C1QTNF3: variants seen among roughly 807,000 people sequenced by gnomAD.
C1QTNF3 encodes the protein C1q and TNF related 3.
A neutral mutation model predicts 32.6 loss-of-function variants in C1QTNF3; 26 were observed. That is an observed-to-expected ratio of 0.80 (90% confidence interval 0.58 to 1.11). The LOEUF (loss-of-function observed/expected upper bound fraction) is 1.11. C1QTNF3 is among the 50% of genes least tolerant of loss of function. The pLI is 0.00. For missense variants in C1QTNF3, 362 were observed against 398.2 expected (o/e 0.91, Z 0.77); for synonymous variants, 155 against 146.0 (o/e 1.06, Z -0.44).
chr5:34,127,664 T>A, the C1QTNF3 span, among the ~76,000 whole-genome samples: 5 of 151,598 alleles, frequency 3.3e-5, no homozygotes, highest in Non-Finnish European at 5.9e-5. Flanking sequence ...TTTGGCTCAC[T>A]GCAACCTCTA....
At chr5:34,242,449 G>A in the C1QTNF3 span, among the ~76,000 whole-genome samples, 1 of 152,148 alleles carries the variant, frequency 6.6e-6, no homozygotes, top group Non-Finnish European at 1.5e-5. Flanking sequence ...GGGATAATTC[G>A]CTAGCCATAA....
chr5:34,211,406 T>A, the C1QTNF3 span, among the ~76,000 whole-genome samples: 2 of 152,080 alleles, frequency 1.3e-5, no homozygotes, highest in Admixed American at 1.3e-4. Flanking sequence ...CCTTTTTTTT[T>A]ATACTTTAAG....
the C1QTNF3 span, chr5:34,175,930 A>C: frequency 4.5e-5 from 37 of 830,044 alleles, no homozygotes; most frequent in East Asian, 6.5e-4. Context: ...CTTTTCTGGT[A>C]CTCTTCACTG....
the C1QTNF3 span, among the ~76,000 whole-genome samples, chr5:34,098,716 C>T: frequency 6.6e-6 from 1 of 151,858 alleles, no homozygotes; most frequent in Non-Finnish European, 1.5e-5. Context: ...CTGACAGTTC[C>T]AACAGTTCCA....
At chr5:34,174,153 G>T in the C1QTNF3 span, among the ~76,000 whole-genome samples, 1 of 152,204 alleles carries the variant, frequency 6.6e-6, no homozygotes, top group African/African-American at 2.4e-5. Flanking sequence ...CGCCTCCGAG[G>T]TTTAAGCGAT....
At chr5:34,231,075 T>C in the C1QTNF3 span, among the ~76,000 whole-genome samples, 1 of 152,126 alleles carries the variant, frequency 6.6e-6, no homozygotes, top group Non-Finnish European at 1.5e-5. Context: ...ATGAAAAATC[T>C]TCCTCTCACT....
At chr5:34,217,178 A>G in the C1QTNF3 span, among the ~76,000 whole-genome samples, 1 of 152,130 alleles carries the variant, frequency 6.6e-6, no homozygotes, top group Non-Finnish European at 1.5e-5. Flanking sequence ...TATTCTAGTA[A>G]ATTATTAATA....
chr5:34,145,840 T>C, the C1QTNF3 span, among the ~76,000 whole-genome samples: 3 of 152,210 alleles, frequency 2.0e-5, no homozygotes, highest in South Asian at 6.2e-4. Context: ...CGATGCAAAG[T>C]TGTTTCAACC....
intron 2 of C1QTNF3, among the ~76,000 whole-genome samples, chr5:34,033,692 T>G (rs1057239066): frequency 4.6e-5 from 7 of 152,168 alleles, no homozygotes; most frequent in African/African-American, 1.7e-4. Flanking sequence ...AAAAATTGTG[T>G]ACAATTCTGA....
At chr5:34,053,033 A>G in the C1QTNF3 span, among the ~76,000 whole-genome samples, 1 of 152,182 alleles carries the variant, frequency 6.6e-6, no homozygotes. Flanking sequence ...GATTTTTCCA[A>G]AGGTGAATTT....
At chr5:34,166,835 G>C in the C1QTNF3 span, 3 of 151,376 alleles carry the variant, frequency 2.0e-5, no homozygotes, top group East Asian at 5.8e-4. Context: ...TACTTGGGTT[G>C]TAAGGATTGA....
At chr5:34,058,414 A>G in the C1QTNF3 span, among the ~76,000 whole-genome samples, 4 of 152,188 alleles carry the variant, frequency 2.6e-5, no homozygotes, top group Admixed American at 6.5e-5. Context: ...GACTTGTTTC[A>G]TCACTTTTCT....
chr5:34,207,475 T>C, the C1QTNF3 span, among the ~76,000 whole-genome samples: 1 of 152,294 alleles, frequency 6.6e-6, no homozygotes. Context: ...GGTTGTTCAC[T>C]TTTTAGAAAC....
At chr5:34,139,564 A>C in the C1QTNF3 span, among the ~76,000 whole-genome samples, 1 of 152,130 alleles carries the variant, frequency 6.6e-6, no homozygotes, top group Non-Finnish European at 1.5e-5. Context: ...AAAGTTCTAT[A>C]CAGATCTTGG....
At chr5:34,128,592 C>T in the C1QTNF3 span, among the ~76,000 whole-genome samples, 1 of 152,192 alleles carries the variant, frequency 6.6e-6, no homozygotes, top group Admixed American at 6.5e-5. Context: ...CTTGTTGCAT[C>T]AGCATTCCCT....
the C1QTNF3 span, among the ~76,000 whole-genome samples, chr5:34,197,359 G>T: frequency 6.6e-6 from 1 of 151,708 alleles, no homozygotes; most frequent in Non-Finnish European, 1.5e-5. Context: ...ACGATACAAG[G>T]GTAATATTAA....
At position 34,035,583 on chromosome 5, in the gene C1QTNF3, G is replaced by T. The variant is rs1412105792; in HGVS notation, c.415+64C>A. 4.3e-6 allele frequency: 5 copies of T among 1,175,752 alleles called. No individual in the cohort carries two copies. In the African/African-American group the frequency reaches 4.5e-5, roughly 11 times the overall value. The allele number at this position is 1,175,752 out of a possible 1,614,324, so 72.8% of individuals were successfully genotyped here. ...AAGTGATCCCAAATTATTAAGGTTTGCCCTTTGCTCCTACTTTAGCTCAGG... is the reference window on the plus strand; with the variant it reads ...AAGTGATCCCAAATTATTAAGGTTTTCCCTTTGCTCCTACTTTAGCTCAGG... On this transcript the variant is annotated intron_variant, in intron 2 of 5. Transcript: ENST00000382065.
At chr5:34,105,532 A>G in the C1QTNF3 span, among the ~76,000 whole-genome samples, 2 of 151,994 alleles carry the variant, frequency 1.3e-5, no homozygotes, top group African/African-American at 4.8e-5. Context: ...ACAAGAAAGT[A>G]AATGTCTTAT....
the C1QTNF3 span, among the ~76,000 whole-genome samples, chr5:34,227,896 T>C: frequency 2.6e-5 from 4 of 151,926 alleles, no homozygotes; most frequent in African/African-American, 9.7e-5. Context: ...AAAATCTAAA[T>C]GAATTTTTCA....
Sources: gnomAD v4.1 joint callset for allele counts (sites outside exome capture counted in the v4.1 genomes callset) on GRCh38, gnomAD v4.1.1 for gene constraint, MANE v1.5 for transcripts, NCBI Gene and HGNC (gene_info 2026-07-23, HGNC 2026-07-21) for gene names.